MYRFL: variants seen among roughly 807,000 people sequenced by gnomAD.
MYRFL encodes myelin regulatory factor-like protein.
MYRFL carries 88 observed loss-of-function variants against 109.4 expected under a neutral mutation model. The ratio of observed to expected loss-of-function variants is 0.80; its 90% CI spans 0.68 to 0.96. The LOEUF (loss-of-function observed/expected upper bound fraction) is 0.96. Among genes scored for constraint, MYRFL ranks in the 40% least tolerant of loss-of-function variants. The pLI is 0.00. For missense variants in MYRFL, 957 were observed against 954.9 expected (o/e 1.00, Z -0.03); for synonymous variants, 324 against 320.9 (o/e 1.01, Z -0.10).
chr12:69,860,980 G>A (rs1222989358), intron 2 of MYRFL, among the ~76,000 whole-genome samples: 6 of 144,992 alleles, frequency 4.1e-5, no homozygotes, highest in Admixed American at 2.2e-4. Context: ...TCCCACCTAT[G>A]AGCGAGAATA....
chr12:69,888,527 C>A (rs777365250), intron 6 of MYRFL, among the ~76,000 whole-genome samples: 3 of 152,138 alleles, frequency 2.0e-5, no homozygotes, highest in Non-Finnish European at 4.4e-5. Flanking sequence ...TTATACTTAA[C>A]TTTTGATATC....
At chr12:69,894,165 T>A (rs1428237234) in intron 8 of MYRFL, among the ~76,000 whole-genome samples, 1 of 151,714 alleles carries the variant, frequency 6.6e-6, no homozygotes, top group Non-Finnish European at 1.5e-5. Context: ...CCTGGCTAAT[T>A]TTTTGTATCT....
chr12:69,922,232 T>C (rs1438255287), intron 13 of MYRFL, among the ~76,000 whole-genome samples: 2 of 152,138 alleles, frequency 1.3e-5, no homozygotes, highest in Non-Finnish European at 2.9e-5. Context: ...GCTGTAATTA[T>C]AGTATAAGGC....
intron 19 of MYRFL, among the ~76,000 whole-genome samples, chr12:69,936,945 T>C (rs1012928754): frequency 5.3e-5 from 8 of 152,180 alleles, no homozygotes; most frequent in Non-Finnish European, 1.0e-4. Flanking sequence ...GGTGGATTTT[T>C]TGGGCTCATT....
At chr12:69,878,998 A>T in intron 2 of MYRFL, 30 bp from the exon 3 acceptor site, 1 of 702,822 alleles carries the variant, frequency 1.4e-6, no homozygotes, top group East Asian at 2.7e-5. Context: ...AGAGTGAAAC[A>T]AAAACGCAAT....
chr12:69,890,933 C>A, intron 6 of MYRFL, 38 bp from the exon 7 acceptor site: 1 of 1,378,194 alleles, frequency 7.3e-7, no homozygotes, highest in Non-Finnish European at 9.4e-7. Context: ...TATATGGAAA[C>A]ATTTGTAAAA....
At chr12:69,885,051 T>C (rs191081587) in intron 5 of MYRFL, among the ~76,000 whole-genome samples, 85 of 152,316 alleles carry the variant, frequency 5.6e-4, no homozygotes, top group Non-Finnish European at 3.8e-4. Flanking sequence ...GGAAGAATTA[T>C]GTTCTCTCTT....
chr12:69,933,106 G>A (rs1480007736), intron 16 of MYRFL, among the ~76,000 whole-genome samples: 6 of 152,184 alleles, frequency 3.9e-5, no homozygotes, highest in Non-Finnish European at 8.8e-5. Flanking sequence ...TGATGGAATT[G>A]TAGCCAAATC....
At chr12:69,861,713 A>T (rs938538486) in intron 2 of MYRFL, among the ~76,000 whole-genome samples, 1 of 151,774 alleles carries the variant, frequency 6.6e-6, no homozygotes, top group South Asian at 2.1e-4. Context: ...GTTCACTCTG[A>T]TGGTAGTTTC....
intron 1 of MYRFL, among the ~76,000 whole-genome samples, chr12:69,836,787 G>A (rs2136315117): frequency 6.6e-6 from 1 of 152,288 alleles, no homozygotes; most frequent in East Asian, 1.9e-4. Flanking sequence ...AACCTTTACT[G>A]GTGGTGAGGA....
intron 7 of MYRFL, among the ~76,000 whole-genome samples, chr12:69,891,665 C>T (rs1038626630): frequency 5.6e-5 from 5 of 88,880 alleles, no homozygotes; most frequent in African/African-American, 1.4e-4. Flanking sequence ...TTCTTTCTTT[C>T]TTTCTTTCTT....
At chr12:69,958,360 G>A in intron 24 of MYRFL, 37 bp downstream of exon 24, 4 of 1,522,558 alleles carry the variant, frequency 2.6e-6, no homozygotes, top group South Asian at 1.2e-5. Context: ...CAGTGAGAAA[G>A]AAATTGAGCA....
At chr12:69,874,429 C>T (rs1019626019) in intron 2 of MYRFL, among the ~76,000 whole-genome samples, 2 of 152,192 alleles carry the variant, frequency 1.3e-5, no homozygotes, top group African/African-American at 4.8e-5. Context: ...TCTTCTCCTT[C>T]GGCCTCCCAA....
At chr12:69,865,417 C>A (rs11177913) in intron 2 of MYRFL, among the ~76,000 whole-genome samples, 1 of 152,030 alleles carries the variant, frequency 6.6e-6, no homozygotes, top group African/African-American at 2.4e-5. Flanking sequence ...TGAGAGTCCC[C>A]TTGGAATGAG....
chr12:69,931,764 T>A (rs985642749), intron 15 of MYRFL, among the ~76,000 whole-genome samples: 1 of 152,204 alleles, frequency 6.6e-6, no homozygotes, highest in Admixed American at 6.5e-5. Flanking sequence ...TCAGCCAGAT[T>A]CCCCAGCAGT....
intron 2 of MYRFL, among the ~76,000 whole-genome samples, chr12:69,876,415 T>C (rs1885664088): frequency 6.6e-6 from 1 of 152,162 alleles, no homozygotes; most frequent in Non-Finnish European, 1.5e-5. Context: ...CCAGCATTTG[T>C]ACTGTTTCTC....
intron 2 of MYRFL, among the ~76,000 whole-genome samples, chr12:69,870,472 T>C (rs1240223): frequency 0.25 from 37,817 of 151,930 alleles, 5,472 homozygotes; most frequent in Middle Eastern, 0.38. Flanking sequence ...AATAGACAAG[T>C]TTGGCGCACA....
chr12:69,919,294 G>T (rs1954835256), intron 13 of MYRFL, among the ~76,000 whole-genome samples: 1 of 152,116 alleles, frequency 6.6e-6, no homozygotes, highest in African/African-American at 2.4e-5. Context: ...TAGTTCAACT[G>T]GAAACTTGTC....
chr12:69,834,107 GT>G (rs1210052759), intron 1 of MYRFL, among the ~76,000 whole-genome samples: 1 of 152,122 alleles, frequency 6.6e-6, no homozygotes, highest in Middle Eastern at 3.2e-3. Context: ...ACAGAGGAAA[GT>G]TAGGCAGCAG....
Sources: gnomAD v4.1 joint callset for allele counts (sites outside exome capture counted in the v4.1 genomes callset) on GRCh38, gnomAD v4.1.1 for gene constraint, MANE v1.5 for transcripts, NCBI Gene and HGNC (gene_info 2026-07-23, HGNC 2026-07-21) for gene names.